Variants in ERC2 observed in about 807,000 individuals in gnomAD.
ERC2 encodes ELKS/RAB6-interacting/CAST family member 2, also known as ERC protein 2.
Under a neutral mutation model 114.8 loss-of-function variants are expected in ERC2, and 42 were observed. That is an observed-to-expected ratio of 0.37 (90% CI 0.29 to 0.47). The LOEUF is 0.47. Ranked by LOEUF, ERC2 falls within the 20% of genes least tolerant of loss-of-function variation. The pLI is 0.99. For missense variants in ERC2, 939 were observed against 1,150.7 expected, an observed-to-expected ratio of 0.82 and a Z score of 2.66; for synonymous variants, 454 against 425.5, an observed-to-expected ratio of 1.07 and a Z score of -0.82.
intron 2 of ERC2, among the ~76,000 whole-genome samples, chr3:56,386,784 T>G (rs973892075): frequency 4.6e-5 from 7 of 152,154 alleles, no homozygotes; most frequent in African/African-American, 1.4e-4. Flanking sequence ...CATAGAAACA[T>G]GGAGAACTGT....
At chr3:56,410,667 G>C (rs1394097331) in intron 2 of ERC2, among the ~76,000 whole-genome samples, 1 of 152,086 alleles carries the variant, frequency 6.6e-6, no homozygotes, top group Non-Finnish European at 1.5e-5. Context: ...TGTTTGTTTG[G>C]TTTTGAGATA....
At chr3:56,333,284 C>CT (rs1447332295) in intron 2 of ERC2, among the ~76,000 whole-genome samples, 4 of 152,188 alleles carry the variant, frequency 2.6e-5, no homozygotes, top group African/African-American at 9.6e-5. Flanking sequence ...AAGTCCACTC[C>CT]TAGAACCCAA....
intron 14 of ERC2, among the ~76,000 whole-genome samples, chr3:55,802,146 C>T (rs2071110422): frequency 6.6e-6 from 1 of 152,292 alleles, no homozygotes; most frequent in South Asian, 2.1e-4. Context: ...CAGTGTATAT[C>T]TACAATTCAT....
At chr3:56,127,663 C>T (rs2079954083) in intron 6 of ERC2, among the ~76,000 whole-genome samples, 2 of 151,138 alleles carry the variant, frequency 1.3e-5, no homozygotes, top group South Asian at 4.2e-4. Context: ...GCAGAGGTTG[C>T]TATGAGCCAA....
intron 14 of ERC2, among the ~76,000 whole-genome samples, chr3:55,752,448 T>C (rs1412993658): frequency 6.6e-6 from 1 of 152,226 alleles, no homozygotes; most frequent in Non-Finnish European, 1.5e-5. Context: ...TTGTTTTTTC[T>C]ATTGACCTGG....
intron 2 of ERC2, among the ~76,000 whole-genome samples, chr3:56,309,718 A>G (rs1343201512): frequency 1.3e-5 from 2 of 152,214 alleles, no homozygotes; most frequent in Non-Finnish European, 2.9e-5. Flanking sequence ...ACCACAGGAG[A>G]TGCTTACTGA....
chr3:56,000,998 G>C (rs1243961586), intron 10 of ERC2, among the ~76,000 whole-genome samples: 1 of 150,466 alleles, frequency 6.6e-6, no homozygotes, highest in African/African-American at 2.4e-5. Flanking sequence ...TGGAGGAATA[G>C]TTCATTATAT....
In ERC2 at chr3:55,859,447, C is replaced by G. The variant is rs149581350; in HGVS notation, c.2564+28942G>C. ...GCTGTCTTCGTGTTTGTCTGTGCCA[C>G]TGGGGCAGGGGTGTAGGATGACCTT... is the stretch of plus-strand genomic sequence containing the variant. On this transcript the variant is annotated intron_variant, in intron 14 of 17. Coordinates refer to ENST00000288221, the MANE Select transcript of ERC2 (RefSeq NM_015576.3). 8.1e-4 allele frequency among the ~76,000 whole-genome samples: 124 copies of G among 152,212 alleles called. 1 individual carries two copies. Among genetic ancestry groups the G allele is most frequent in the African/African-American group, 2.8e-3 (115 of 41,516 alleles).
At chr3:55,721,952 AAT>A in intron 15 of ERC2, among the ~76,000 whole-genome samples, 1 of 152,318 alleles carries the variant, frequency 6.6e-6, no homozygotes, top group Non-Finnish European at 1.5e-5. Context: ...AGAAAGAGGA[AAT>A]AAGCCAGCTG....
chr3:56,201,311 G>A (rs1307956439), intron 3 of ERC2, among the ~76,000 whole-genome samples: 2 of 152,168 alleles, frequency 1.3e-5, no homozygotes, highest in African/African-American at 4.8e-5. Flanking sequence ...TCTCATGGAC[G>A]TTAATTACTT....
At chr3:55,660,398 G>A (rs538384649) in intron 17 of ERC2, among the ~76,000 whole-genome samples, 1 of 152,288 alleles carries the variant, frequency 6.6e-6, no homozygotes, top group South Asian at 2.1e-4. Flanking sequence ...TCTAGAGCAA[G>A]TGAGACCTCC....
At chr3:56,078,784 GA>G (rs2077093598) in intron 7 of ERC2, among the ~76,000 whole-genome samples, 1 of 151,334 alleles carries the variant, frequency 6.6e-6, no homozygotes, top group African/African-American at 2.4e-5. Context: ...ACATACGGGG[GA>G]AAAGTCTGCC....
chr3:56,041,450 G>A (rs1052779287), intron 7 of ERC2, among the ~76,000 whole-genome samples: 2 of 152,162 alleles, frequency 1.3e-5, no homozygotes, highest in Non-Finnish European at 2.9e-5. Flanking sequence ...ATGTAAGACA[G>A]GAAAATGGGT....
chr3:55,555,430 C>T (rs1455881777), intron 17 of ERC2, among the ~76,000 whole-genome samples: 3 of 152,186 alleles, frequency 2.0e-5, no homozygotes, highest in Admixed American at 1.3e-4. Context: ...GGCCAACTCT[C>T]AAATGACACC....
intron 3 of ERC2, among the ~76,000 whole-genome samples, chr3:56,294,226 T>C (rs1036487608): frequency 1.2e-4 from 18 of 152,258 alleles, no homozygotes; most frequent in Admixed American, 1.2e-3. Flanking sequence ...GTATTTGTTA[T>C]CTATTGCTGT....
At chr3:55,650,191 C>A (rs1452127364) in intron 17 of ERC2, among the ~76,000 whole-genome samples, 1 of 152,200 alleles carries the variant, frequency 6.6e-6, no homozygotes, top group Non-Finnish European at 1.5e-5. Flanking sequence ...GAAACGCCCA[C>A]CCCACCACGG....
intron 2 of ERC2, among the ~76,000 whole-genome samples, chr3:56,396,225 A>G (rs952742928): frequency 6.6e-6 from 1 of 152,234 alleles, no homozygotes; most frequent in Non-Finnish European, 1.5e-5. Context: ...TTCTTGCTCA[A>G]TTGGGTATTT....
intron 15 of ERC2, among the ~76,000 whole-genome samples, chr3:55,707,330 T>C (rs938668249): frequency 6.6e-6 from 1 of 152,160 alleles, no homozygotes; most frequent in African/African-American, 2.4e-5. Context: ...TCCCAGCTAC[T>C]TGGGAGGCTG....
chr3:55,514,701 G>T (rs933553483), intron 17 of ERC2, among the ~76,000 whole-genome samples: 2 of 152,166 alleles, frequency 1.3e-5, no homozygotes, highest in Non-Finnish European at 2.9e-5. Context: ...ACGAGGAAAT[G>T]AATTCTGCCA....
Sources: allele counts gnomAD v4.1 joint callset (sites outside exome capture counted in the v4.1 genomes callset), GRCh38; gene constraint gnomAD v4.1.1; transcripts MANE v1.5; gene names NCBI Gene and HGNC (gene_info 2026-07-23, HGNC 2026-07-21).